Variants in MPP7 observed in about 807,000 individuals in gnomAD.
MPP7 encodes MAGUK p55 subfamily member 7.
MPP7 carries 60 observed loss-of-function variants against 76.5 expected under a neutral mutation model. The observed-to-expected ratio is 0.78, with a 90% CI of 0.64 to 0.97. The LOEUF (loss-of-function observed/expected upper bound fraction) is 0.97. Ranked by LOEUF, MPP7 falls within the 50% of genes least tolerant of loss-of-function variation. The pLI, the probability that MPP7 is intolerant of heterozygous loss-of-function variation, is 0.00. For synonymous variants in MPP7, 237 were observed against 244.5 expected (o/e 0.97, Z 0.29); for missense variants, 641 against 694.0 (o/e 0.92, Z 0.86).
At chr10:28,160,865 T>C (rs1440586758) in intron 3 of MPP7, among the ~76,000 whole-genome samples, 4 of 152,196 alleles carry the variant, frequency 2.6e-5, no homozygotes, top group African/African-American at 9.6e-5. Context: ...GTCTGAAAAG[T>C]AGCTTTGGGG....
chr10:28,204,852 T>A (rs1202413199), intron 2 of MPP7, among the ~76,000 whole-genome samples: 1 of 152,244 alleles, frequency 6.6e-6, no homozygotes, highest in Non-Finnish European at 1.5e-5. Flanking sequence ...AGCTTAGCTG[T>A]ATATTGCAAT....
chr10:28,330,525 A>C (rs1834461404), intron 1 of MPP7, among the ~76,000 whole-genome samples: 6 of 152,188 alleles, frequency 3.9e-5, no homozygotes. Context: ...AGCTTCACTT[A>C]TGTGGCTTTT....
chr10:28,168,027 G>C (rs969231718), intron 3 of MPP7, among the ~76,000 whole-genome samples: 8 of 152,118 alleles, frequency 5.3e-5, no homozygotes, highest in African/African-American at 1.7e-4. Flanking sequence ...ACTTGAGGTT[G>C]TAAGTTTGAG....
At chr10:28,254,752 A>G (rs1839730756) in intron 1 of MPP7, 1 of 152,218 alleles carries the variant, frequency 6.6e-6, no homozygotes, top group South Asian at 2.1e-4. Flanking sequence ...AAAAACAGGG[A>G]GAAACTTGCC....
chr10:28,219,746 T>A (rs184309094), intron 2 of MPP7, among the ~76,000 whole-genome samples: 4 of 152,214 alleles, frequency 2.6e-5, no homozygotes, highest in African/African-American at 7.2e-5. Flanking sequence ...CTAGGGCTAA[T>A]AAACACTAAA....
At chr10:28,086,852 A>G (rs1377700114) in intron 12 of MPP7, among the ~76,000 whole-genome samples, 4 of 152,190 alleles carry the variant, frequency 2.6e-5, no homozygotes, top group Non-Finnish European at 5.9e-5. Context: ...ACCTCTGGAC[A>G]GCGCACAAAA....
chr10:28,326,071 A>G (rs570171841), intron 2 of MPP7, among the ~76,000 whole-genome samples: 12 of 151,958 alleles, frequency 7.9e-5, no homozygotes, highest in Non-Finnish European at 1.6e-4. Context: ...ATCCTTCTCC[A>G]TCTCCAGGCA....
At chr10:28,118,381 AGAGTT>A (rs1319139923) in intron 11 of MPP7, 68 of 980,690 alleles carry the variant, frequency 6.9e-5, no homozygotes, top group Non-Finnish European at 8.1e-5. Flanking sequence ...GGACTGAAAA[AGAGTT>A]GAGTATGGAT....
intron 11 of MPP7, among the ~76,000 whole-genome samples, chr10:28,115,160 T>G (rs189093523): frequency 6.6e-6 from 1 of 152,256 alleles, no homozygotes; most frequent in African/African-American, 2.4e-5. Flanking sequence ...TGGAGTGCAA[T>G]GGCACAATCT....
chr10:28,118,182 A>C (rs1002935430), intron 11 of MPP7: 4 of 985,162 alleles, frequency 4.1e-6, no homozygotes, highest in Middle Eastern at 5.2e-4. Flanking sequence ...ACACACAAAC[A>C]AACACACATA....
chr10:28,055,084 A>G (rs1851505700), intron 16 of MPP7, among the ~76,000 whole-genome samples: 1 of 152,260 alleles, frequency 6.6e-6, no homozygotes, highest in South Asian at 2.1e-4. Flanking sequence ...ACATAAATGT[A>G]AGAGAGCCAA....
intron 3 of MPP7, among the ~76,000 whole-genome samples, chr10:28,164,227 C>T (rs756710169): frequency 7.2e-5 from 11 of 152,158 alleles, no homozygotes; most frequent in Non-Finnish European, 1.3e-4. Flanking sequence ...AGAAGGGAAG[C>T]AGGGTGGAGG....
At chr10:28,147,212 C>T (rs1360592999) in intron 5 of MPP7, among the ~76,000 whole-genome samples, 3 of 152,144 alleles carry the variant, frequency 2.0e-5, no homozygotes, top group Non-Finnish European at 4.4e-5. Context: ...GTATAGTGTA[C>T]TCTTAACTTT....
intron 2 of MPP7, among the ~76,000 whole-genome samples, chr10:28,318,200 A>G (rs1375954458): frequency 6.6e-6 from 1 of 152,208 alleles, no homozygotes; most frequent in Non-Finnish European, 1.5e-5. Context: ...GGACTGATCT[A>G]TAATTGCAAT....
At chr10:28,277,417 A>G (rs2133072877) in intron 1 of MPP7, among the ~76,000 whole-genome samples, 1 of 152,106 alleles carries the variant, frequency 6.6e-6, no homozygotes, top group African/African-American at 2.4e-5. Flanking sequence ...TAAAATCACA[A>G]AAACGATCTC....
intron 1 of MPP7, among the ~76,000 whole-genome samples, chr10:28,291,735 T>C (rs1840925994): frequency 6.6e-6 from 1 of 152,258 alleles, no homozygotes; most frequent in Non-Finnish European, 1.5e-5. Flanking sequence ...AAAGAAAATA[T>C]ATTTGTACAC....
chr10:28,248,486 C>G (rs530173057), intron 1 of MPP7, among the ~76,000 whole-genome samples: 2 of 152,274 alleles, frequency 1.3e-5, no homozygotes, highest in Admixed American at 1.3e-4. Context: ...ATCTTCTCAG[C>G]TTCCTTGGCC....
At chr10:28,302,603 C>T (rs879623364) in intron 1 of MPP7, among the ~76,000 whole-genome samples, 5 of 152,108 alleles carry the variant, frequency 3.3e-5, no homozygotes, top group Non-Finnish European at 7.4e-5. Context: ...GAGTCCCGCG[C>T]GTCAACAGGG....
At chr10:28,261,663 A>G (rs1362566943) in intron 1 of MPP7, among the ~76,000 whole-genome samples, 4 of 144,830 alleles carry the variant, frequency 2.8e-5, no homozygotes, top group African/African-American at 9.9e-5. Context: ...CCTCCAATGT[A>G]GTACAAGAAA....
Sources: gnomAD v4.1 joint callset for allele counts (sites outside exome capture counted in the v4.1 genomes callset) on GRCh38, gnomAD v4.1.1 for gene constraint, MANE v1.5 for transcripts, NCBI Gene and HGNC (gene_info 2026-07-23, HGNC 2026-07-21) for gene names.